Variants in ATP2B2 observed in about 807,000 individuals in gnomAD.
The protein encoded by ATP2B2 is plasma membrane calcium-transporting ATPase 2.
Under a neutral mutation model 120.0 loss-of-function variants are expected in ATP2B2, and 15 were observed. The ratio of observed to expected loss-of-function variants is 0.12; its 90% CI spans 0.08 to 0.19. The LOEUF (loss-of-function observed/expected upper bound fraction) is 0.19, where lower values mean the gene tolerates loss of function less well. ATP2B2 is among the 10% of genes least tolerant of loss of function. ATP2B2 has a pLI of 1.00. For synonymous variants in ATP2B2, 694 were observed against 700.3 expected (o/e 0.99, Z 0.14); for missense variants, 1,045 against 1,719.8 (o/e 0.61, Z 6.94).
At chr3:10,557,375 G>A (rs899052270) in intron 2 of ATP2B2, among the ~76,000 whole-genome samples, 6 of 152,248 alleles carry the variant, frequency 3.9e-5, no homozygotes, top group African/African-American at 9.6e-5. Context: ...GTCTCTCACC[G>A]CCTTTGCGGC....
chr3:10,371,768 G>A, intron 12 of ATP2B2, 41 bp downstream of exon 12: 2 of 1,613,966 alleles, frequency 1.2e-6, no homozygotes, highest in South Asian at 2.2e-5. Flanking sequence ...CCATCCCATG[G>A]ATGTTGCTCC....
chr3:10,627,305 C>A (rs1192689016), intron 1 of ATP2B2, among the ~76,000 whole-genome samples: 1 of 152,220 alleles, frequency 6.6e-6, no homozygotes, highest in Admixed American at 6.5e-5. Context: ...TCTCGCTCTG[C>A]CTTTGGGACC....
rs1274011172 is a variant in ATP2B2 at position 10,410,805 on chromosome 3, G to A, written c.210C>T (p.Gly70=). ...TTCTCTTTTCCAGGTCTGGAGCGGT[G>A]CCCGGCAAACCTGTGGACAGAGAAC... ...LKTSPVEGLP[G]TAPDLEKRKQ... is the part of the protein sequence containing the mutation. The change falls in exon 3 of 23, where the codon GGC becomes GGT. Residue 70 remains glycine (G), a synonymous_variant. Coordinates refer to ENST00000360273, the MANE Select transcript of ATP2B2 (RefSeq NM_001001331.4). The A allele has an allele frequency of 3.7e-6, 6 of 1,613,760 alleles. No individual in the cohort carries two copies. The highest frequency in any genetic ancestry group is 3.3e-5 in the Admixed American group (2 of 60,012).
At chr3:10,493,055 C>T (rs2065996238) in intron 1 of ATP2B2, among the ~76,000 whole-genome samples, 1 of 152,134 alleles carries the variant, frequency 6.6e-6, no homozygotes, top group Non-Finnish European at 1.5e-5. Flanking sequence ...TCATTCCACA[C>T]AAATCTGCTG....
intron 2 of ATP2B2, among the ~76,000 whole-genome samples, chr3:10,419,234 T>G (rs979290641): frequency 6.6e-6 from 1 of 152,176 alleles, no homozygotes; most frequent in African/African-American, 2.4e-5. Flanking sequence ...GGTGGCCACG[T>G]GCCCCCTGTA....
At chr3:10,499,676 C>T (rs764099352) in intron 1 of ATP2B2, among the ~76,000 whole-genome samples, 31 of 152,180 alleles carry the variant, frequency 2.0e-4, no homozygotes, top group Non-Finnish European at 2.9e-4. Flanking sequence ...CCTGGGACCA[C>T]GGCTGGGCCC....
intron 1 of ATP2B2, among the ~76,000 whole-genome samples, chr3:10,468,086 T>C (rs2064826024): frequency 6.6e-6 from 1 of 152,124 alleles, no homozygotes; most frequent in Non-Finnish European, 1.5e-5. Flanking sequence ...GGCTGCCCCT[T>C]GGTGGAGATG....
intron 14 of ATP2B2, among the ~76,000 whole-genome samples, chr3:10,353,124 C>T (rs2125420899): frequency 6.6e-6 from 1 of 152,328 alleles, no homozygotes; most frequent in African/African-American, 2.4e-5. Flanking sequence ...GATAGCAGAG[C>T]ATCACCCTGT....
chr3:10,405,061 A>C (rs2062363395), intron 3 of ATP2B2, among the ~76,000 whole-genome samples: 1 of 152,230 alleles, frequency 6.6e-6, no homozygotes, highest in South Asian at 2.1e-4. Context: ...GTTCAAGTCC[A>C]ACCTCTGCTG....
At chr3:10,422,287 C>G (rs2063007090) in intron 2 of ATP2B2, among the ~76,000 whole-genome samples, 1 of 152,212 alleles carries the variant, frequency 6.6e-6, no homozygotes, top group East Asian at 1.9e-4. Flanking sequence ...GACAACGCCT[C>G]TGTGGGAAAA....
At chr3:10,675,526 A>T (rs898777645) in intron 1 of ATP2B2, among the ~76,000 whole-genome samples, 1 of 152,228 alleles carries the variant, frequency 6.6e-6, no homozygotes, top group Non-Finnish European at 1.5e-5. Context: ...GCTCTGGTGC[A>T]GTCCTGGCGC....
intron 1 of ATP2B2, among the ~76,000 whole-genome samples, chr3:10,638,454 C>G (rs2070082887): frequency 6.6e-6 from 1 of 151,744 alleles, no homozygotes; most frequent in Non-Finnish European, 1.5e-5. Flanking sequence ...AAAAAAACCA[C>G]TAAAATAACA....
Position 10,449,698 on chromosome 3 carries a change from G to C in ATP2B2, c.-155C>G. The C allele has an allele frequency of 1.2e-6, 1 of 853,248 alleles. No individual in the cohort carries two copies. Among genetic ancestry groups the C allele is most frequent in the East Asian group, 2.6e-5 (1 of 38,422 alleles). The allele number at this position is 853,248 out of a possible 1,614,324, so 52.9% of individuals were successfully genotyped here. ...CGGGTCCCGGGGGGTGGGGGTGGCCGAGGCGGGCTGGTGACAGTGGTGGTG... is the reference window on the plus strand; with the variant it reads ...CGGGTCCCGGGGGGTGGGGGTGGCCCAGGCGGGCTGGTGACAGTGGTGGTG... On this transcript the variant is annotated 5_prime_UTR_variant, in exon 2 of 23. Coordinates refer to ENST00000360273, the MANE Select transcript of ATP2B2 (RefSeq NM_001001331.4).
chr3:10,369,809 G>C lies in ATP2B2; in HGVS notation c.1659+2000C>G, dbSNP rs142892232. ...TTTGAACGAAGGCAGTCTGGCTCCAGAGTCCAAGTTTTAACCACTACCCAG... is the reference window on the plus strand; with the variant it reads ...TTTGAACGAAGGCAGTCTGGCTCCACAGTCCAAGTTTTAACCACTACCCAG... On this transcript the variant is annotated intron_variant, in intron 12 of 22. Coordinates refer to ENST00000360273, the MANE Select transcript of ATP2B2 (RefSeq NM_001001331.4). 7.2e-3 allele frequency among the ~76,000 whole-genome samples: 1,097 copies of C among 152,312 alleles called. 18 individuals are homozygous for C. Among genetic ancestry groups the C allele is most frequent in the African/African-American group, 0.025 (1,037 of 41,562 alleles).
At chr3:10,457,550 G>A (rs1197817480) in intron 1 of ATP2B2, among the ~76,000 whole-genome samples, 1 of 80,928 alleles carries the variant, frequency 1.2e-5, no homozygotes, top group African/African-American at 5.6e-5. Context: ...ATGTCAGCAT[G>A]AGTGTGCGTG....
At position 10,358,938 on chromosome 3, in the gene ATP2B2, G is replaced by A. The variant is rs1345513933; in HGVS notation, c.1902-13C>T. ...GATTTTGCAGCACCTAGGGGAGGAT[G>A]GAAGGGAGATGGGGAGCCCAGGGAA... is the stretch of plus-strand genomic sequence containing the variant. On this transcript the variant is annotated splice_polypyrimidine_tract_variant and intron_variant, in intron 13 of 22. Transcript: ENST00000360273. 1 of 1,612,406 alleles carries A rather than the reference G, an allele frequency of 6.2e-7. No homozygotes were observed. The highest frequency in any genetic ancestry group is 8.5e-7 in the Non-Finnish European group (1 of 1,179,712).
intron 2 of ATP2B2, among the ~76,000 whole-genome samples, chr3:10,550,234 A>G (rs188451996): frequency 9.5e-4 from 145 of 152,356 alleles, no homozygotes; most frequent in Non-Finnish European, 2.1e-4. Flanking sequence ...CTGATAAGAC[A>G]TATTAATTTT....
At chr3:10,585,628 G>A (rs547549723) in intron 2 of ATP2B2, among the ~76,000 whole-genome samples, 1 of 149,424 alleles carries the variant, frequency 6.7e-6, no homozygotes. Flanking sequence ...CCTTCTTTCT[G>A]TCTCACCAAC....
At chr3:10,489,810 A>G (rs984723404) in intron 1 of ATP2B2, among the ~76,000 whole-genome samples, 3 of 152,150 alleles carry the variant, frequency 2.0e-5, no homozygotes, top group African/African-American at 7.2e-5. Flanking sequence ...CCTCACTAGG[A>G]TCACTGTCCT....
Sources: gnomAD v4.1 joint callset for allele counts (sites outside exome capture counted in the v4.1 genomes callset) on GRCh38, gnomAD v4.1.1 for gene constraint, MANE v1.5 for transcripts, NCBI Gene and HGNC (gene_info 2026-07-23, HGNC 2026-07-21) for gene names.